Variants in RIN3 observed in about 807,000 individuals in gnomAD.
RIN3 encodes the protein Ras and Rab interactor 3, also known as RAB5 interacting protein 3.
Under a neutral mutation model 76.3 loss-of-function variants are expected in RIN3, and 54 were observed. The ratio of observed to expected loss-of-function variants is 0.71; its 90% CI spans 0.57 to 0.89. The LOEUF is 0.89. Ranked by LOEUF, RIN3 falls within the 40% of genes least tolerant of loss-of-function variation. The pLI, the probability that RIN3 is intolerant of heterozygous loss-of-function variation, is 0.00. For missense variants in RIN3, 1,256 were observed against 1,322.1 expected (o/e 0.95, Z 0.78); for synonymous variants, 576 against 564.0 (o/e 1.02, Z -0.30).
intron 7 of RIN3, among the ~76,000 whole-genome samples, chr14:92,674,282 C>T (rs781070945): frequency 8.5e-5 from 13 of 152,158 alleles, no homozygotes; most frequent in Non-Finnish European, 1.2e-4. Context: ...AGCAGTGTAG[C>T]GTGCAGTTGC....
chr14:92,584,164 G>A (rs1047810552), intron 3 of RIN3, among the ~76,000 whole-genome samples: 5 of 152,104 alleles, frequency 3.3e-5, no homozygotes, highest in Admixed American at 1.3e-4. Flanking sequence ...GGGGGTGGGG[G>A]GGTCTTGAAA....
chr14:92,649,622 C>T (rs1040209072), intron 5 of RIN3, among the ~76,000 whole-genome samples: 1 of 152,196 alleles, frequency 6.6e-6, no homozygotes, highest in South Asian at 2.1e-4. Flanking sequence ...GAGAGTGAGG[C>T]ATACATGGAG....
At chr14:92,607,832 T>C (rs571025272) in intron 3 of RIN3, among the ~76,000 whole-genome samples, 1 of 152,318 alleles carries the variant, frequency 6.6e-6, no homozygotes, top group East Asian at 1.9e-4. Flanking sequence ...TACAGAATAT[T>C]ACTCAGCAGT....
chr14:92,652,236 CCTT>C lies in RIN3; in HGVS notation c.1188_1190del (p.Leu397del). The C allele has an allele frequency of 6.2e-7, 1 of 1,610,700 alleles. No homozygotes were observed. Among genetic ancestry groups the C allele is most frequent in the Non-Finnish European group, 8.5e-7 (1 of 1,177,988 alleles). On this transcript the variant is annotated inframe_deletion, in exon 6 of 10. Coordinates refer to ENST00000216487, the MANE Select transcript of RIN3 (RefSeq NM_024832.5). The surrounding 1 kb of genome is among the most constrained non-coding windows in gnomAD (Gnocchi z 6.4). ...AGACGCCGCGTTTCCGAGAGGGTGT[CCTT>C]AGAAGACCAAAGTCCGGGGATGGCG...
intron 2 of RIN3, among the ~76,000 whole-genome samples, chr14:92,558,748 C>T (rs1161681654): frequency 2.0e-5 from 3 of 152,250 alleles, no homozygotes; most frequent in Non-Finnish European, 4.4e-5. Context: ...ACACACATCT[C>T]GTGGTTATCC....
chr14:92,516,698 G>A (rs1237743443), intron 1 of RIN3, among the ~76,000 whole-genome samples: 2 of 152,046 alleles, frequency 1.3e-5, no homozygotes, highest in Non-Finnish European at 2.9e-5. Context: ...GGGTCCCCTT[G>A]GGTTGAAGGA....
chr14:92,594,097 C>T (rs919988551), intron 3 of RIN3, among the ~76,000 whole-genome samples: 2 of 152,056 alleles, frequency 1.3e-5, no homozygotes, highest in Admixed American at 1.3e-4. Context: ...CAAGATAGAC[C>T]ACATCCTGGG....
intron 1 of RIN3, among the ~76,000 whole-genome samples, chr14:92,546,066 C>T (rs1222736972): frequency 6.6e-6 from 1 of 152,044 alleles, no homozygotes; most frequent in African/African-American, 2.4e-5. Flanking sequence ...GCTGGGATTA[C>T]AGGCACCCGC....
chr14:92,593,870 A>G (rs371277375), intron 3 of RIN3, among the ~76,000 whole-genome samples: 1 of 152,334 alleles, frequency 6.6e-6, no homozygotes. Flanking sequence ...GCAAAAGCTG[A>G]TGGAACTACA....
intron 8 of RIN3, among the ~76,000 whole-genome samples, chr14:92,679,468 C>G (rs1051833731): frequency 1.3e-5 from 2 of 152,224 alleles, no homozygotes; most frequent in African/African-American, 4.8e-5. Flanking sequence ...GGACAGCCAG[C>G]CTTGCAGGTG....
At position 92,616,973 on chromosome 14, in the gene RIN3, A is replaced by T. The variant is rs557093391; in HGVS notation, c.440+1494A>T. On this transcript the variant is annotated intron_variant, in intron 4 of 9. Transcript: ENST00000216487. The stretch of plus-strand genomic sequence containing the variant: ...TTGTTGGGGCCTAGTGCATGAGCTT[A>T]GTCCAAAACAACAGCCTGCCAGAAT... Among the ~76,000 whole-genome samples the T allele has an allele frequency of 7.9e-5, 12 of 152,312 alleles. No individual in the cohort carries two copies. In the East Asian group the frequency reaches 2.3e-3, roughly 29 times the overall value.
chr14:92,560,113 C>A (rs760988584), intron 2 of RIN3, among the ~76,000 whole-genome samples: 6 of 152,188 alleles, frequency 3.9e-5, no homozygotes, highest in Non-Finnish European at 7.3e-5. Context: ...AGGCCTTAGG[C>A]CTTAATCCCA....
chr14:92,583,076 G>A (rs1884617071), intron 3 of RIN3, among the ~76,000 whole-genome samples: 1 of 152,142 alleles, frequency 6.6e-6, no homozygotes, highest in Non-Finnish European at 1.5e-5. Context: ...GCCATCACAG[G>A]GCACTGGAAA....
chr14:92,641,283 G>A lies in RIN3; in HGVS notation c.486G>A (p.Glu162=), dbSNP rs754601746. 3 of 1,614,158 alleles carry A rather than the reference G, an allele frequency of 1.9e-6. No individual in the cohort carries two copies. The highest frequency in any genetic ancestry group is 1.1e-5 in the South Asian group (1 of 91,084). Residue 162 remains glutamate (E), a synonymous_variant, in exon 5 of 10, where the codon GAG becomes GAA. Coordinates refer to ENST00000216487, the MANE Select transcript of RIN3 (RefSeq NM_024832.5). ...TGCGGCTACCCCAGGCCATCCTTGA[G>A]GCCAGCAGCTTCACGGACCTTGAGA... ...FTLRLPQAIL[E]ASSFTDLETI...
At position 92,629,512 on chromosome 14, in the gene RIN3, G is replaced by A. The variant is rs866587089; in HGVS notation, c.441-11726G>A. ...ACCCTATGTAAATGAAGAGTATGAA[G>A]TAAAGATACAAAGTCATTTACTTGG... On this transcript the variant is annotated intron_variant, in intron 4 of 9. Transcript: ENST00000216487. 3.2e-4 allele frequency among the ~76,000 whole-genome samples: 48 copies of A among 152,306 alleles called. 1 individual carries two copies. In the Middle Eastern group the frequency reaches 0.02, roughly 65 times the overall value.
chr14:92,576,744 A>G (rs573965672), intron 2 of RIN3, among the ~76,000 whole-genome samples: 163 of 152,308 alleles, frequency 1.1e-3, no homozygotes, highest in South Asian at 3.1e-3. Flanking sequence ...AATAAAACTC[A>G]TGGGGTGATG....
intron 3 of RIN3, among the ~76,000 whole-genome samples, chr14:92,596,017 C>T (rs141730955): frequency 0.035 from 5,309 of 152,288 alleles, 170 homozygotes; most frequent in Admixed American, 0.095. Flanking sequence ...CTCCCCTTAT[C>T]TGCCCAGGAT....
intron 3 of RIN3, among the ~76,000 whole-genome samples, chr14:92,615,187 G>C (rs1043459189): frequency 2.0e-5 from 3 of 152,054 alleles, no homozygotes; most frequent in East Asian, 1.9e-4. Flanking sequence ...ATACAAACAG[G>C]TAATCTCCTG....
At chr14:92,607,393 C>T (rs955389459) in intron 3 of RIN3, among the ~76,000 whole-genome samples, 1 of 152,228 alleles carries the variant, frequency 6.6e-6, no homozygotes, top group Non-Finnish European at 1.5e-5. Flanking sequence ...CCGGTAATTC[C>T]AGCGTTTTGG....
Sources: gnomAD v4.1 joint callset for allele counts (sites outside exome capture counted in the v4.1 genomes callset) on GRCh38, gnomAD v4.1.1 for gene constraint, Gnocchi (gnomAD v3.1) non-coding constraint, MANE v1.5 for transcripts, NCBI Gene and HGNC (gene_info 2026-07-23, HGNC 2026-07-21) for gene names.